The following ROBO2 variants were observed in gnomAD, a reference collection of about 807,000 sequenced individuals.
The protein encoded by ROBO2 is roundabout homolog 2.
Under a neutral mutation model 160.8 loss-of-function variants are expected in ROBO2, and 53 were observed. That is an observed-to-expected ratio of 0.33 (90% CI 0.26 to 0.41). The LOEUF is 0.41. ROBO2 is among the 10% of genes least tolerant of loss of function. ROBO2 has a pLI of 1.00. For missense variants in ROBO2, 1,577 were observed against 1,722.4 expected (o/e 0.92, Z 1.49); for synonymous variants, 664 against 611.7 (o/e 1.09, Z -1.26).
intron 2 of ROBO2, among the ~76,000 whole-genome samples, chr3:76,550,204 C>T (rs2083333295): frequency 6.6e-6 from 1 of 152,122 alleles, no homozygotes; most frequent in Non-Finnish European, 1.5e-5. Flanking sequence ...CGTAAAATGA[C>T]CACTTCTTGC....
At chr3:77,435,818 A>G (rs9834069) in intron 2 of ROBO2, among the ~76,000 whole-genome samples, 18,132 of 151,558 alleles carry the variant, frequency 0.12, 1,419 homozygotes, top group East Asian at 0.32. Flanking sequence ...CATGAAATGA[A>G]CATATCTTAA....
intron 2 of ROBO2, among the ~76,000 whole-genome samples, chr3:76,521,828 T>C (rs2081636060): frequency 6.6e-6 from 1 of 152,186 alleles, no homozygotes; most frequent in Admixed American, 6.5e-5. Flanking sequence ...ATAAATATGG[T>C]ATTTGTATAT....
intron 2 of ROBO2, among the ~76,000 whole-genome samples, chr3:77,360,439 T>C (rs989606512): frequency 6.6e-6 from 1 of 152,058 alleles, no homozygotes; most frequent in African/African-American, 2.4e-5. Flanking sequence ...ATCGAGGTAA[T>C]TGAAGTCAAT....
At chr3:76,429,858 T>C (rs1172181128) in intron 2 of ROBO2, among the ~76,000 whole-genome samples, 1 of 152,132 alleles carries the variant, frequency 6.6e-6, no homozygotes, top group African/African-American at 2.4e-5. Flanking sequence ...TTATGTAGGA[T>C]AGAGGTGTTG....
intron 2 of ROBO2, among the ~76,000 whole-genome samples, chr3:77,116,903 T>G (rs1364350753): frequency 1.3e-5 from 2 of 152,216 alleles, no homozygotes; most frequent in African/African-American, 4.8e-5. Context: ...CTCTGACATC[T>G]GGCCTCAGTG....
chr3:76,588,367 A>T (rs2086190657), intron 2 of ROBO2, among the ~76,000 whole-genome samples: 2 of 152,214 alleles, frequency 1.3e-5, no homozygotes, highest in South Asian at 4.1e-4. Context: ...ATAGCCCTCT[A>T]ACTTGTTCAG....
At chr3:77,121,052 C>T (rs9864605) in intron 2 of ROBO2, among the ~76,000 whole-genome samples, 38,230 of 151,872 alleles carry the variant, frequency 0.25, 5,683 homozygotes, top group Middle Eastern at 0.35. Context: ...TCAAGCGATT[C>T]TCCTGCCTCA....
intron 1 of ROBO2, among the ~76,000 whole-genome samples, chr3:75,915,980 A>G (rs1208132357): frequency 2.0e-5 from 3 of 152,212 alleles, no homozygotes; most frequent in Non-Finnish European, 2.9e-5. Flanking sequence ...GTATTTCTAG[A>G]TAGATATAGA....
chr3:76,876,383 A>G (rs1014786689), intron 2 of ROBO2, among the ~76,000 whole-genome samples: 1 of 152,196 alleles, frequency 6.6e-6, no homozygotes, highest in African/African-American at 2.4e-5. Flanking sequence ...TTATATAAAG[A>G]GTATCTTAAG....
At chr3:76,101,542 GTTAT>G (rs950081796) in intron 2 of ROBO2, among the ~76,000 whole-genome samples, 11 of 152,182 alleles carry the variant, frequency 7.2e-5, no homozygotes, top group South Asian at 2.1e-4. Context: ...AGATTATGTA[GTTAT>G]TTATTTATTT....
intron 2 of ROBO2, among the ~76,000 whole-genome samples, chr3:76,071,090 T>C (rs1430373790): frequency 1.3e-5 from 2 of 152,308 alleles, no homozygotes; most frequent in East Asian, 3.9e-4. Flanking sequence ...CCTTCATAAT[T>C]GCAATTTCAG....
At chr3:76,412,685 C>T (rs980902275) in intron 2 of ROBO2, among the ~76,000 whole-genome samples, 1 of 152,158 alleles carries the variant, frequency 6.6e-6, no homozygotes. Flanking sequence ...CTGATGGAAG[C>T]GGTGGATTCC....
chr3:76,828,595 G>C (rs2066787200), intron 2 of ROBO2, among the ~76,000 whole-genome samples: 1 of 152,080 alleles, frequency 6.6e-6, no homozygotes, highest in Non-Finnish European at 1.5e-5. Context: ...TTCATTCATG[G>C]AGTCTTAGAG....
chr3:75,911,799 G>A (rs1249611091), intron 1 of ROBO2, among the ~76,000 whole-genome samples: 3 of 151,722 alleles, frequency 2.0e-5, no homozygotes, highest in Admixed American at 6.6e-5. Context: ...CTCGTGATCC[G>A]CCCGTCTCGG....
At chr3:76,970,274 C>T (rs1228327753) in intron 2 of ROBO2, among the ~76,000 whole-genome samples, 1 of 152,146 alleles carries the variant, frequency 6.6e-6, no homozygotes, top group East Asian at 1.9e-4. Context: ...ATTTCCTTTA[C>T]TTTCGGGAAA....
chr3:77,219,662 C>T (rs1322920638), intron 2 of ROBO2, among the ~76,000 whole-genome samples: 1 of 151,084 alleles, frequency 6.6e-6, no homozygotes, highest in East Asian at 2.0e-4. Context: ...CTGTTAGCAT[C>T]AGTTTGCTGA....
exon 2 of ROBO2, chr3:77,098,339 A>T (rs757029311): frequency 6.2e-7 from 1 of 1,614,086 alleles, no homozygotes; most frequent in South Asian, 1.1e-5. Context: ...TGGAAGTGGC[A>T]TGTAAGTGAA....
At chr3:76,908,928 T>G (rs1225412542) in intron 2 of ROBO2, among the ~76,000 whole-genome samples, 2 of 152,188 alleles carry the variant, frequency 1.3e-5, no homozygotes, top group Non-Finnish European at 1.5e-5. Context: ...ACCTTTTTAA[T>G]TCTTAAAACA....
chr3:77,379,575 A>C (rs1222915333), intron 2 of ROBO2, among the ~76,000 whole-genome samples: 1 of 152,214 alleles, frequency 6.6e-6, no homozygotes, highest in African/African-American at 2.4e-5. Flanking sequence ...TGATAAAGTA[A>C]ATATAGAATA....
Sources: allele counts gnomAD v4.1 joint callset (sites outside exome capture counted in the v4.1 genomes callset), GRCh38; gene constraint gnomAD v4.1.1; transcripts MANE v1.5; gene names NCBI Gene and HGNC (gene_info 2026-07-23, HGNC 2026-07-21).